Variants in AP4E1 observed in about 807,000 individuals in gnomAD.
The protein encoded by AP4E1 is adaptor related protein complex 4 subunit epsilon 1.
AP4E1 carries 56 observed loss-of-function variants against 128.2 expected under a neutral mutation model. The observed-to-expected ratio is 0.44, with a 90% CI of 0.35 to 0.55. The LOEUF is 0.55. Among genes scored for constraint, AP4E1 ranks in the 20% least tolerant of loss-of-function variants. The pLI, the probability that AP4E1 is intolerant of heterozygous loss-of-function variation, is 0.00. For missense variants in AP4E1, 1,324 were observed against 1,307.7 expected, an observed-to-expected ratio of 1.01 and a Z score of -0.19; for synonymous variants, 484 against 473.1, an observed-to-expected ratio of 1.02 and a Z score of -0.30.
chr15:51,000,896 TAAAG>T, intron 19 of AP4E1, 126 bp from the exon 20 acceptor site: 2 of 733,178 alleles, frequency 2.7e-6, no homozygotes, highest in Non-Finnish European at 4.5e-6. Flanking sequence ...ATATTTGGTT[TAAAG>T]ACATAAATCT....
intron 3 of AP4E1, among the ~76,000 whole-genome samples, chr15:50,920,468 G>A (rs1462292328): frequency 2.0e-5 from 3 of 147,576 alleles, no homozygotes; most frequent in South Asian, 2.1e-4. Flanking sequence ...GTATGGTGGC[G>A]CCACCTCGGT....
At chr15:50,935,723 A>G (rs1039218988) in intron 8 of AP4E1, among the ~76,000 whole-genome samples, 1 of 152,190 alleles carries the variant, frequency 6.6e-6, no homozygotes, top group African/African-American at 2.4e-5. Flanking sequence ...GACCTTTAAG[A>G]ACAATGGTTG....
chr15:50,985,171 G>A (rs1211516761), intron 16 of AP4E1, among the ~76,000 whole-genome samples: 1 of 151,804 alleles, frequency 6.6e-6, no homozygotes, highest in Non-Finnish European at 1.5e-5. Context: ...TTTTTTTCTT[G>A]TAAATTTGTT....
intron 13 of AP4E1, among the ~76,000 whole-genome samples, chr15:50,956,915 C>G (rs917033033): frequency 6.6e-6 from 1 of 152,168 alleles, no homozygotes; most frequent in Non-Finnish European, 1.5e-5. Context: ...CTCAACCCCT[C>G]GCGGGAGGGT....
intron 8 of AP4E1, among the ~76,000 whole-genome samples, chr15:50,938,169 G>C (rs144487555): frequency 3.9e-5 from 6 of 152,200 alleles, no homozygotes; most frequent in Non-Finnish European, 8.8e-5. Context: ...AGACACGGTG[G>C]TGTGTACCCT....
intron 16 of AP4E1, 29 bp downstream of exon 16, chr15:50,984,174 T>A (rs2064683821): frequency 6.2e-7 from 1 of 1,611,630 alleles, no homozygotes; most frequent in Non-Finnish European, 8.5e-7. Flanking sequence ...AAAATTGAGG[T>A]TATGGGAGTG....
At position 51,000,167 on chromosome 15, in the gene AP4E1, G is replaced by A. The variant is rs2064941498; in HGVS notation, c.3096-859G>A. On this transcript the variant is annotated intron_variant, in intron 19 of 20. Transcript: ENST00000261842. ...TTTTTTTTTTTTTTTTTTTTAAACA[G>A]GGTCTTGCTGTGTCACCCAGGCTGG... 5.8e-5 allele frequency among the ~76,000 whole-genome samples: 7 copies of A among 121,042 alleles called. No homozygotes were observed. The Admixed American group carries it at 6.9e-4, about 12-fold the overall frequency. The allele number at this position is 121,042 out of a possible 152,430, so 79.4% of individuals were successfully genotyped here.
At chr15:50,962,416 C>T (rs565479636) in intron 14 of AP4E1, among the ~76,000 whole-genome samples, 4 of 152,042 alleles carry the variant, frequency 2.6e-5, no homozygotes, top group Non-Finnish European at 5.9e-5. Context: ...AAGACATACA[C>T]ACCAATGGAA....
intron 16 of AP4E1, among the ~76,000 whole-genome samples, chr15:50,990,660 G>A (rs2064793792): frequency 6.6e-6 from 1 of 151,610 alleles, no homozygotes; most frequent in South Asian, 2.1e-4. Flanking sequence ...GGCATTACAG[G>A]TGTGAGCTAC....
chr15:50,924,899 CTTTA>C lies in AP4E1; in HGVS notation c.421-195_421-192del, dbSNP rs149196095. Among the ~76,000 whole-genome samples the C allele has an allele frequency of 0.015, 2,233 of 152,224 alleles. 67 individuals are homozygous for C. The highest frequency in any genetic ancestry group is 0.052 in the African/African-American group (2,148 of 41,540). Reference sequence around the variant, plus strand: ...TCCTCTTCTATCAGTTGCTTTTTGGCTTTATTTGTCTACTGACTCTATTAAGGCA... The same window carrying C: ...TCCTCTTCTATCAGTTGCTTTTTGGCTTTGTCTACTGACTCTATTAAGGCA... On this transcript the variant is annotated intron_variant, in intron 4 of 20. Transcript: ENST00000261842.
rs2663553 is a variant in AP4E1, at chr15:50,915,621, G to C, written c.346+50G>C. 0.55 allele frequency: 878,482 copies of C among 1,590,722 alleles called. 244,497 individuals are homozygous for C. The highest frequency in any genetic ancestry group is 0.65 in the Admixed American group (39,004 of 59,920). On this transcript the variant is annotated intron_variant, in intron 3 of 20. Transcript: ENST00000261842. The stretch of plus-strand genomic sequence containing the variant: ...ATGCTTTCATGTTGTCCTTGAAGTT[G>C]CATCTATTATACAAAATGAATGATG...
At chr15:50,959,503 C>T (rs188189147) in intron 14 of AP4E1, among the ~76,000 whole-genome samples, 4 of 152,080 alleles carry the variant, frequency 2.6e-5, no homozygotes, top group African/African-American at 9.7e-5. Flanking sequence ...AAAGTCTTTC[C>T]CAGACAGGTG....
intron 3 of AP4E1, 72 bp downstream of exon 3, chr15:50,915,643 G>T: frequency 6.6e-7 from 1 of 1,504,154 alleles, no homozygotes; most frequent in South Asian, 1.1e-5. Flanking sequence ...CAAAATGAAT[G>T]ATGGCATGTA....
chr15:51,001,084 G>A lies in AP4E1; in HGVS notation c.3154G>A (p.Val1052Met), dbSNP rs59701447. 1.9e-6 allele frequency: 3 copies of A among 1,613,534 alleles called. No homozygotes were observed. Among genetic ancestry groups the A allele is most frequent in the East Asian group, 4.5e-5 (2 of 44,786 alleles). ...GKLWLSFAND[V>M]KQNVKMSESQ... Reference sequence around the variant, plus strand: ...ACTCTGGTTATCCTTCGCAAATGATGTGAAACAAAATGTAAAAATGTCAGA... The same window carrying A: ...ACTCTGGTTATCCTTCGCAAATGATATGAAACAAAATGTAAAAATGTCAGA... Residue 1052 changes from valine to methionine, a missense_variant, in exon 20 of 21, where the codon GTG becomes ATG. Val to Met is a conservative substitution (Grantham distance 21). Transcript: ENST00000261842.
chr15:50,921,868 G>A (rs1323491369), intron 3 of AP4E1, among the ~76,000 whole-genome samples: 1 of 151,222 alleles, frequency 6.6e-6, no homozygotes, highest in Non-Finnish European at 1.5e-5. Context: ...TTTTCTGATT[G>A]TTGAAACAGT....
At chr15:50,994,707 C>T (rs1273310962) in intron 17 of AP4E1, among the ~76,000 whole-genome samples, 1 of 152,148 alleles carries the variant, frequency 6.6e-6, no homozygotes, top group Non-Finnish European at 1.5e-5. Context: ...GGTAAGAGCA[C>T]ACCAAAGTCA....
In AP4E1 at chr15:50,984,108, G is replaced by A. The variant is rs1187523349; in HGVS notation, c.2053G>A (p.Asp685Asn). 6.2e-7 allele frequency: 1 copy of A among 1,613,464 alleles called. No individual in the cohort carries two copies. Among genetic ancestry groups the A allele is most frequent in the Non-Finnish European group, 8.5e-7 (1 of 1,179,520 alleles). The change falls in exon 16 of 21, where the codon GAT becomes AAT. Residue 685 changes from aspartate (D) to asparagine (N), a missense_variant. By Grantham distance (23) the Asp-to-Asn change is conservative. Coordinates refer to ENST00000261842, the MANE Select transcript of AP4E1 (RefSeq NM_007347.5). ...QSPAGISLGSDVSGNSAETGL... is the reference protein window; with the variant it reads ...QSPAGISLGSNVSGNSAETGL... ...TCCTGCTGGCATTTCTCTTGGTTCA[G>A]ATGTATCTGGGAATAGTGCTGAGAC...
At chr15:50,971,274 T>G (rs1031027219) in intron 15 of AP4E1, among the ~76,000 whole-genome samples, 2 of 152,196 alleles carry the variant, frequency 1.3e-5, no homozygotes, top group Non-Finnish European at 2.9e-5. Context: ...TATCATCCCA[T>G]TTTCTCCTGG....
intron 3 of AP4E1, among the ~76,000 whole-genome samples, chr15:50,921,367 G>C (rs76384046): frequency 3.4e-5 from 5 of 146,084 alleles, no homozygotes; most frequent in African/African-American, 1.3e-4. Flanking sequence ...TTTTTTTTTT[G>C]AGACAGAGTC....
Sources: allele counts gnomAD v4.1 joint callset (sites outside exome capture counted in the v4.1 genomes callset), GRCh38; gene constraint gnomAD v4.1.1; transcripts MANE v1.5; gene names NCBI Gene and HGNC (gene_info 2026-07-23, HGNC 2026-07-21).